The following PHLDB1 variants were observed in gnomAD, a reference collection of about 807,000 sequenced individuals.
PHLDB1 encodes pleckstrin homology-like domain family B member 1.
In PHLDB1, 65 loss-of-function variants were observed where a neutral mutation model predicts 139.3. That is an observed-to-expected ratio of 0.47 (90% CI 0.38 to 0.57). PHLDB1 has a LOEUF of 0.57. PHLDB1 is among the 20% of genes least tolerant of loss of function. The probability of loss-of-function intolerance (pLI) is 0.00; values close to 1 mark genes in which losing one functional copy is unlikely to be tolerated. For synonymous variants in PHLDB1, 679 were observed against 734.5 expected, an observed-to-expected ratio of 0.92 and a Z score of 1.22; for missense variants, 1,624 against 1,839.7, an observed-to-expected ratio of 0.88 and a Z score of 2.14.
chr11:118,617,369 C>T (rs1168282706), intron 4 of PHLDB1, among the ~76,000 whole-genome samples: 5 of 152,164 alleles, frequency 3.3e-5, no homozygotes, highest in African/African-American at 9.7e-5. Flanking sequence ...TGGAAGTGGC[C>T]ATCCTACTCA....
At chr11:118,655,152 A>G (rs979515066) in intron 20 of PHLDB1, 11 of 165,312 alleles carry the variant, frequency 6.7e-5, no homozygotes, top group African/African-American at 2.4e-4. Context: ...ATACTTAATA[A>G]TCTTGTGTGT....
chr11:118,636,267 G>C (rs1432063796), intron 10 of PHLDB1, among the ~76,000 whole-genome samples: 1 of 152,212 alleles, frequency 6.6e-6, no homozygotes, highest in Non-Finnish European at 1.5e-5. Flanking sequence ...ATGCACACAT[G>C]CATGTACATT....
rs141282851 is a variant in PHLDB1 at position 118,632,009 on chromosome 11, C to G, written c.2197C>G (p.Arg733Gly). The change falls in exon 8 of 23, where the codon CGT (arginine) becomes GGT (glycine). Residue 733 changes from arginine to glycine, a missense_variant. By Grantham distance (125) the Arg-to-Gly change is moderately radical. Coordinates refer to ENST00000600882, the MANE Select transcript of PHLDB1 (RefSeq NM_001144758.3). This position sits in a 1 kb window ranked among gnomAD's most constrained non-coding sequence, Gnocchi z 5.9. The part of the protein sequence containing the change: ...VLGHVEQLKV[R>G]VKELEQQLQE... ...GGGGCACGTGGAGCAGCTCAAGGTC[C>G]GTGTGAAGGAGCTAGAGCAGCAGCT... 18 of 1,614,088 alleles carry G rather than the reference C, an allele frequency of 1.1e-5. No individual in the cohort carries two copies. Among genetic ancestry groups the G allele is most frequent in the Non-Finnish European group, 1.4e-5 (17 of 1,179,990 alleles).
chr11:118,610,510 G>A lies in PHLDB1; in HGVS notation c.-22+2811G>A. The A allele has an allele frequency of 1.0e-6, 1 of 978,702 alleles. No homozygotes were observed. The highest frequency in any genetic ancestry group is 1.2e-6 in the Non-Finnish European group (1 of 823,776). 60.6% of individuals were successfully genotyped at this position (978,702 alleles called of 1,614,324 possible). A position where few individuals can be genotyped will look rare whatever the true frequency, so the allele number is the denominator to read the frequency against. On this transcript the variant is annotated intron_variant, in intron 1 of 22. Coordinates refer to ENST00000600882, the MANE Select transcript of PHLDB1 (RefSeq NM_001144758.3). This position sits in a 1 kb window ranked among gnomAD's most constrained non-coding sequence, Gnocchi z 8.7. Reference sequence around the variant, plus strand: ...CACCGCTTGGGCCGAGGCCGAGGCCGACCCCCAGGGACACAGGTGAGGCCG... The same window carrying A: ...CACCGCTTGGGCCGAGGCCGAGGCCAACCCCCAGGGACACAGGTGAGGCCG...
At chr11:118,648,126 T>G (rs1947810325) in intron 18 of PHLDB1, 50 bp downstream of exon 18, 2 of 1,567,910 alleles carry the variant, frequency 1.3e-6, no homozygotes, top group East Asian at 4.5e-5. Context: ...GTGAGGGCTG[T>G]AGAGAAGTGG....
rs1943606518 is a variant in PHLDB1 at position 118,624,985 on chromosome 11, C to T, written c.407C>T (p.Ala136Val). The change falls in exon 5 of 23, where the codon GCT (alanine) becomes GTT (valine). Residue 136 changes from alanine (A) to valine (V), a missense_variant. By Grantham distance (64) the Ala-to-Val change is moderately conservative. Transcript: ENST00000600882. ...QSTFLRFNHP[A>V]EAKWMKSMIP... ...ACCTTCCTTCGCTTTAACCACCCGG[C>T]TGAAGCCAAGTGGATGAAAAGCATG... 3 of 1,613,886 alleles carry T rather than the reference C, an allele frequency of 1.9e-6. No homozygotes were observed. Among genetic ancestry groups the T allele is most frequent in the Non-Finnish European group, 1.7e-6 (2 of 1,179,882 alleles).
rs781807711 is a variant in PHLDB1 at position 118,645,566 on chromosome 11, C to G, written c.3332C>G (p.Thr1111Arg). The change falls in exon 16 of 23, where the codon ACG becomes AGG. Residue 1111 changes from threonine (T) to arginine (R), a missense_variant. Thr to Arg is a moderately conservative substitution (Grantham distance 71). Transcript: ENST00000600882. This position sits in a 1 kb window ranked among gnomAD's most constrained non-coding sequence, Gnocchi z 5.1. ...RGEEGEHAYD[T>R]LSLESSDSME... ...GAGGAGGGTGAGCACGCCTATGATA[C>G]GCTGAGTCTGGAGAGCTCTGACAGC... 1 of 1,613,742 alleles carries G rather than the reference C, an allele frequency of 6.2e-7. No individual in the cohort carries two copies. The highest frequency in any genetic ancestry group is 1.1e-5 in the South Asian group (1 of 91,014).
rs782793918 is a variant in PHLDB1, at chr11:118,628,368, G to A, written c.1545G>A (p.Arg515=). 1.3e-5 allele frequency: 21 copies of A among 1,611,196 alleles called. No individual in the cohort carries two copies. The South Asian group carries it at 2.1e-4, about 16-fold the overall frequency. The change falls in exon 6 of 23, where the codon AGG becomes AGA. Residue 515 remains arginine (R), a synonymous_variant. Coordinates refer to ENST00000600882, the MANE Select transcript of PHLDB1 (RefSeq NM_001144758.3). The part of the protein sequence containing the change: ...FSLTLGARGR[R]TRSPSPTLGE... ...TGACGCTGGGGGCACGGGGCCGTAG[G>A]ACACGGAGCCCCTCACCCACACTGG...
chr11:118,620,433 A>G lies in PHLDB1; in HGVS notation c.355+4222A>G, dbSNP rs1555093703. ...CTTGAACCCCGGAGGCGGAGGTTGC[A>G]GTGAGCCGAGATCGCACCATTGCAC... On this transcript the variant is annotated intron_variant, in intron 4 of 22. Coordinates refer to ENST00000600882, the MANE Select transcript of PHLDB1 (RefSeq NM_001144758.3). The surrounding 1 kb of genome is among the most constrained non-coding windows in gnomAD (Gnocchi z 4.1). 1.3e-5 allele frequency among the ~76,000 whole-genome samples: 2 copies of G among 152,250 alleles called. No individual in the cohort carries two copies. The highest frequency in any genetic ancestry group is 4.8e-5 in the African/African-American group (2 of 41,474).
In PHLDB1 at chr11:118,632,450, CCT is replaced by C; in HGVS notation, c.2379+157_2379+158del. 1.2e-6 allele frequency: 1 copy of C among 805,202 alleles called. No homozygotes were observed. The highest frequency in any genetic ancestry group is 2.0e-6 in the Non-Finnish European group (1 of 501,220). 49.9% of individuals were successfully genotyped at this position (805,202 alleles called of 1,614,324 possible). A position where few individuals can be genotyped will look rare whatever the true frequency, so the allele number is the denominator to read the frequency against. On this transcript the variant is annotated intron_variant, in intron 9 of 22. Coordinates refer to ENST00000600882, the MANE Select transcript of PHLDB1 (RefSeq NM_001144758.3). This position sits in a 1 kb window ranked among gnomAD's most constrained non-coding sequence, Gnocchi z 5.9. The stretch of plus-strand genomic sequence containing the variant: ...TTCCAGAGACAGAGTGACTTCTCCT[CCT>C]CTGTGGAAGGAACCAGCTTGGAGGG...
intron 20 of PHLDB1, chr11:118,652,652 A>T (rs1948505875): frequency 6.6e-6 from 1 of 152,306 alleles, no homozygotes; most frequent in Non-Finnish European, 1.5e-5. Context: ...CTCCTAAGAG[A>T]CAGAGATAAG....
Position 118,628,059 on chromosome 11 carries a change from T to C in PHLDB1, c.1236T>C (p.Ser412=), listed in dbSNP as rs782082148. The C allele has an allele frequency of 5.0e-6, 8 of 1,613,846 alleles. No individual in the cohort carries two copies. The highest frequency in any genetic ancestry group is 6.8e-6 in the Non-Finnish European group (8 of 1,180,000). Residue 412 remains serine (S), a synonymous_variant, in exon 6 of 23, where the codon AGT becomes AGC. Coordinates refer to ENST00000600882, the MANE Select transcript of PHLDB1 (RefSeq NM_001144758.3). ...PPSPFREPPG[S]ERVLTTSPSR... is the part of the protein sequence containing the mutation. ...GCCCTTTCCGTGAGCCTCCAGGCAG[T>C]GAGCGGGTGCTAACAACCAGCCCCT...
At chr11:118,629,541 G>A (rs1944431770) in intron 6 of PHLDB1, among the ~76,000 whole-genome samples, 1 of 152,178 alleles carries the variant, frequency 6.6e-6, no homozygotes. Context: ...AGGAACCCTG[G>A]GATTGGTTTG....
intron 22 of PHLDB1, among the ~76,000 whole-genome samples, chr11:118,656,097 C>A (rs1949024185): frequency 6.6e-6 from 1 of 151,042 alleles, no homozygotes; most frequent in Non-Finnish European, 1.5e-5. Flanking sequence ...TGACAGCAGA[C>A]CCCATGGGGG....
intron 13 of PHLDB1, among the ~76,000 whole-genome samples, chr11:118,643,237 T>G (rs1199179083): frequency 1.3e-5 from 2 of 152,216 alleles, no homozygotes; most frequent in East Asian, 1.9e-4. Flanking sequence ...GATGAAACAC[T>G]GGGGCCTAGA....
At position 118,650,954 on chromosome 11, in the gene PHLDB1, C is replaced by T; in HGVS notation, c.3874+407C>T. ...GTCAGAGTTGGGCTGGGAACTCCCC[C>T]TTGGACAAATTCCATCAGAGATTCC... On this transcript the variant is annotated intron_variant, in intron 20 of 22. Coordinates refer to ENST00000600882, the MANE Select transcript of PHLDB1 (RefSeq NM_001144758.3). The surrounding 1 kb of genome is among the most constrained non-coding windows in gnomAD (Gnocchi z 4.7). 1 of 208,818 alleles carries T rather than the reference C, an allele frequency of 4.8e-6. No homozygotes were observed. Among genetic ancestry groups the T allele is most frequent in the South Asian group, 8.6e-5 (1 of 11,688 alleles). The allele number at this position is 208,818 out of a possible 1,614,324, so 12.9% of individuals were successfully genotyped here.
At position 118,632,087 on chromosome 11, in the gene PHLDB1, T is replaced by TAGGCCAACTGAAGGCCCCAGAGAG; in HGVS notation, c.2241+35_2242-48dup. 6.2e-7 allele frequency: 1 copy of TAGGCCAACTGAAGGCCCCAGAGAG among 1,613,630 alleles called. No individual in the cohort carries two copies. The highest frequency in any genetic ancestry group is 8.5e-7 in the Non-Finnish European group (1 of 1,179,688). ...TGAAGTCCCTAGCTGGACTCTTCCCTAGGCCAACTGAAGGCCCCAGAGAGG... is the reference window on the plus strand; with the variant it reads ...TGAAGTCCCTAGCTGGACTCTTCCCTAGGCCAACTGAAGGCCCCAGAGAGAGGCCAACTGAAGGCCCCAGAGAGG... On this transcript the variant is annotated intron_variant, in intron 8 of 22. Transcript: ENST00000600882. The surrounding 1 kb of genome is among the most constrained non-coding windows in gnomAD (Gnocchi z 5.9).
chr11:118,625,495 T>C (rs1185268972), intron 5 of PHLDB1, among the ~76,000 whole-genome samples: 3 of 152,218 alleles, frequency 2.0e-5, no homozygotes, highest in African/African-American at 7.2e-5. Context: ...TGCCCGCTGA[T>C]GACTCAGTGG....
rs148436342 is a variant in PHLDB1, at chr11:118,616,184, G to A, written c.328G>A (p.Val110Ile). The change falls in exon 4 of 23, where the codon GTC becomes ATC. Residue 110 changes from valine to isoleucine, a missense_variant. Physicochemically the swap from Val to Ile is conservative, Grantham distance 29 (BLOSUM62 3). Transcript: ENST00000600882. ...GNACTIDGLPVRQPTRLTQGC... is the reference protein window; with the variant it reads ...GNACTIDGLPIRQPTRLTQGC... ...TGCCTGCACTATTGATGGGCTCCCT[G>A]TCCGGCAGCCTACCCGGCTCACTCA... 3.1e-6 allele frequency: 5 copies of A among 1,613,936 alleles called. No homozygotes were observed. The African/African-American group carries it at 6.7e-5, about 22-fold the overall frequency.
Sources: allele counts gnomAD v4.1 joint callset (sites outside exome capture counted in the v4.1 genomes callset), GRCh38; gene constraint gnomAD v4.1.1; non-coding constraint Gnocchi (gnomAD v3.1); transcripts MANE v1.5; gene names NCBI Gene and HGNC (gene_info 2026-07-23, HGNC 2026-07-21).